Variants in PTPRJ observed in about 807,000 individuals in gnomAD.
PTPRJ encodes protein tyrosine phosphatase receptor type J.
In PTPRJ, 129 loss-of-function variants were observed where a neutral mutation model predicts 141.3. The observed-to-expected ratio is 0.91, with a 90% CI of 0.79 to 1.06. The LOEUF (loss-of-function observed/expected upper bound fraction) is 1.06. PTPRJ is among the 50% of genes least tolerant of loss of function. The pLI, the probability that PTPRJ is intolerant of heterozygous loss-of-function variation, is 0.00. For missense variants in PTPRJ, 1,601 were observed against 1,679.7 expected, an observed-to-expected ratio of 0.95 and a Z score of 0.82; for synonymous variants, 610 against 640.5, an observed-to-expected ratio of 0.95 and a Z score of 0.72.
intron 1 of PTPRJ, among the ~76,000 whole-genome samples, chr11:48,046,908 ATATATTTTTTTTTTT>A (rs1481040670): frequency 5.8e-5 from 5 of 85,882 alleles, no homozygotes; most frequent in African/African-American, 3.4e-4. Context: ...ATATATATAT[ATATATTTTTTTTTTT>A]TTTTTTTTTT....
intron 23 of PTPRJ, 65 bp downstream of exon 23, chr11:48,163,683 C>T: frequency 6.6e-7 from 1 of 1,507,098 alleles, no homozygotes; most frequent in Non-Finnish European, 9.1e-7. Context: ...GAGCACTTTA[C>T]AAAAGCAAAG....
chr11:48,053,953 A>G (rs1298711702), intron 1 of PTPRJ, among the ~76,000 whole-genome samples: 3 of 110,972 alleles, frequency 2.7e-5, no homozygotes, highest in Non-Finnish European at 5.4e-5. Flanking sequence ...TTTTTTTGAG[A>G]CGAAGTTTCA....
intron 1 of PTPRJ, among the ~76,000 whole-genome samples, chr11:48,039,792 CT>C (rs111537902): frequency 0.072 from 10,356 of 142,876 alleles, 1,075 homozygotes; most frequent in African/African-American, 0.24. Context: ...TTTGCCCTTT[CT>C]TTTTTTTTTT....
At chr11:48,083,154 G>A (rs181456914) in intron 1 of PTPRJ, among the ~76,000 whole-genome samples, 28 of 152,298 alleles carry the variant, frequency 1.8e-4, no homozygotes, top group Admixed American at 1.8e-3. Flanking sequence ...GGCTGGGTGC[G>A]GTGGCTCACG....
At chr11:48,024,186 AC>A (rs1853741549) in intron 1 of PTPRJ, among the ~76,000 whole-genome samples, 1 of 151,720 alleles carries the variant, frequency 6.6e-6, no homozygotes, top group Non-Finnish European at 1.5e-5. Flanking sequence ...CACCACACTT[AC>A]ATTTTTTTTC....
At chr11:48,050,392 G>A (rs1377369543) in intron 1 of PTPRJ, among the ~76,000 whole-genome samples, 3 of 151,914 alleles carry the variant, frequency 2.0e-5, no homozygotes, top group Non-Finnish European at 4.4e-5. Context: ...ATCAATGAAC[G>A]TACATTGACA....
intron 11 of PTPRJ, among the ~76,000 whole-genome samples, chr11:48,141,751 A>T (rs1857233476): frequency 6.6e-6 from 1 of 152,134 alleles, no homozygotes; most frequent in Non-Finnish European, 1.5e-5. Context: ...GGGAGAGGAC[A>T]AGGGCAGGTT....
chr11:48,022,264 A>C, intron 1 of PTPRJ, among the ~76,000 whole-genome samples: 1 of 152,240 alleles, frequency 6.6e-6, no homozygotes, highest in South Asian at 2.1e-4. Flanking sequence ...CAGGAGTTCG[A>C]GACCAGCCTG....
At chr11:48,155,279 A>G (rs1274455391) in intron 19 of PTPRJ, among the ~76,000 whole-genome samples, 1 of 152,124 alleles carries the variant, frequency 6.6e-6, no homozygotes, top group African/African-American at 2.4e-5. Context: ...TAACCTAGGG[A>G]CCTACCCCGT....
At chr11:48,041,924 T>C (rs1854280698) in intron 1 of PTPRJ, among the ~76,000 whole-genome samples, 2 of 140,674 alleles carry the variant, frequency 1.4e-5, no homozygotes, top group African/African-American at 5.3e-5. Context: ...GACAATTTTT[T>C]AAACAGAATT....
chr11:48,065,986 C>T (rs1226182181), intron 1 of PTPRJ, among the ~76,000 whole-genome samples: 1 of 152,136 alleles, frequency 6.6e-6, no homozygotes, highest in Non-Finnish European at 1.5e-5. Flanking sequence ...CTCTTAAATT[C>T]AAAAGTAATA....
chr11:48,101,309 C>T (rs1221336445), intron 1 of PTPRJ, among the ~76,000 whole-genome samples: 2 of 152,140 alleles, frequency 1.3e-5, no homozygotes, highest in Non-Finnish European at 2.9e-5. Flanking sequence ...TTCTCTGCCC[C>T]ACCCTGTCTC....
At chr11:48,047,894 C>G (rs1854451970) in intron 1 of PTPRJ, among the ~76,000 whole-genome samples, 4 of 152,132 alleles carry the variant, frequency 2.6e-5, no homozygotes, top group African/African-American at 9.7e-5. Flanking sequence ...AGAAGTTCCA[C>G]TGCACATGCA....
intron 1 of PTPRJ, among the ~76,000 whole-genome samples, chr11:48,001,802 CAG>C (rs1171617477): frequency 1.3e-5 from 2 of 152,194 alleles, no homozygotes; most frequent in African/African-American, 4.8e-5. Context: ...CTGCCAGAGT[CAG>C]AGTGTTAGGT....
chr11:47,985,327 A>G (rs1375700207), intron 1 of PTPRJ, among the ~76,000 whole-genome samples: 5 of 150,042 alleles, frequency 3.3e-5, no homozygotes, highest in African/African-American at 4.9e-5. Context: ...TTTTTTTTTA[A>G]TAGAGATGGT....
intron 1 of PTPRJ, among the ~76,000 whole-genome samples, chr11:48,053,264 A>G (rs1854639059): frequency 1.3e-5 from 1 of 78,236 alleles, no homozygotes; most frequent in African/African-American, 9.3e-5. Context: ...TATATAATAT[A>G]TTATATAAAT....
intron 1 of PTPRJ, among the ~76,000 whole-genome samples, chr11:48,018,226 C>T (rs1439246642): frequency 6.7e-6 from 1 of 149,568 alleles, no homozygotes; most frequent in Non-Finnish European, 1.5e-5. Flanking sequence ...TAACCCTTTA[C>T]ATTCTGGAAA....
At chr11:48,045,504 A>T (rs1419471213) in intron 1 of PTPRJ, among the ~76,000 whole-genome samples, 1 of 152,184 alleles carries the variant, frequency 6.6e-6, no homozygotes, top group Non-Finnish European at 1.5e-5. Flanking sequence ...TCCAAGTAAT[A>T]AATGGAAACC....
intron 1 of PTPRJ, among the ~76,000 whole-genome samples, chr11:48,022,745 G>GTCCGGACC (rs2134214076): frequency 6.6e-6 from 1 of 152,338 alleles, no homozygotes; most frequent in Non-Finnish European, 1.5e-5. Context: ...AGCCAGAGCA[G>GTCCGGACC]CGTGGGTTCA....
Sources: gnomAD v4.1 joint callset for allele counts (sites outside exome capture counted in the v4.1 genomes callset) on GRCh38, gnomAD v4.1.1 for gene constraint, MANE v1.5 for transcripts, NCBI Gene and HGNC (gene_info 2026-07-23, HGNC 2026-07-21) for gene names.